Variants in IL1RAPL1 observed in about 807,000 individuals in gnomAD.
IL1RAPL1 encodes the protein interleukin-1 receptor accessory protein-like 1.
In IL1RAPL1, 3 loss-of-function variants were observed where a neutral mutation model predicts 48.4. The observed-to-expected ratio is 0.06, with a 90% CI of 0.03 to 0.16. IL1RAPL1 has a LOEUF of 0.16. Among genes scored for constraint, IL1RAPL1 ranks in the 10% least tolerant of loss-of-function variants. The pLI is 1.00. For synonymous variants in IL1RAPL1, 185 were observed against 187.7 expected, an observed-to-expected ratio of 0.99 and a Z score of 0.12; for missense variants, 349 against 530.6, an observed-to-expected ratio of 0.66 and a Z score of 3.36.
At chrX:29,177,324 C>T (rs1023102546) in intron 2 of IL1RAPL1, among the ~76,000 whole-genome samples, 1 of 111,688 alleles carries the variant, frequency 9.0e-6, no homozygotes. Flanking sequence ...ATTACATTCA[C>T]AATTATACTC....
intron 2 of IL1RAPL1, among the ~76,000 whole-genome samples, chrX:29,264,138 A>G (rs1316321912): frequency 9.0e-6 from 1 of 111,427 alleles, no homozygotes; most frequent in African/African-American, 3.3e-5. Context: ...TCCTTTGCTC[A>G]TGGTATATTA....
At chrX:29,402,965 A>T (rs1190790793) in intron 5 of IL1RAPL1, among the ~76,000 whole-genome samples, 4 of 111,513 alleles carry the variant, frequency 3.6e-5, no homozygotes, top group Non-Finnish European at 5.7e-5. Flanking sequence ...GTTGATGTTG[A>T]TCTTGATCAC....
chrX:29,110,657 G>A (rs1392710), intron 2 of IL1RAPL1, among the ~76,000 whole-genome samples: 234 of 112,012 alleles, frequency 2.1e-3, no homozygotes, highest in Non-Finnish European at 3.6e-3. Flanking sequence ...TTCAAAACGA[G>A]TTTTTCCGGG....
At chrX:29,923,936 G>A (rs958792400) in intron 8 of IL1RAPL1, among the ~76,000 whole-genome samples, 2 of 111,842 alleles carry the variant, frequency 1.8e-5, no homozygotes, top group Non-Finnish European at 3.8e-5. Flanking sequence ...ACCTCACAGT[G>A]TAGACATGTT....
intron 3 of IL1RAPL1, among the ~76,000 whole-genome samples, chrX:29,303,357 C>T (rs183930256): frequency 9.8e-5 from 11 of 111,808 alleles, no homozygotes; most frequent in Admixed American, 9.5e-4. Flanking sequence ...TGAATGATGA[C>T]TTTCCAGAGA....
At chrX:29,339,075 T>TACACACACACACACACACAC (rs758487838) in intron 3 of IL1RAPL1, among the ~76,000 whole-genome samples, 2 of 92,318 alleles carry the variant, frequency 2.2e-5, no homozygotes, top group African/African-American at 8.1e-5. Context: ...GCTGGGTAAA[T>TACACACACACACACACACAC]ACACACACAC....
chrX:29,845,854 G>A (rs757985661), intron 6 of IL1RAPL1, among the ~76,000 whole-genome samples: 7 of 111,005 alleles, frequency 6.3e-5, no homozygotes, highest in South Asian at 3.9e-4. Flanking sequence ...GTGAGCAGGC[G>A]CGTAACTTGG....
intron 2 of IL1RAPL1, among the ~76,000 whole-genome samples, chrX:29,091,919 G>A (rs1382115640): frequency 1.8e-5 from 2 of 111,096 alleles, no homozygotes; most frequent in Non-Finnish European, 3.8e-5. Context: ...ATTTTCCCCT[G>A]ATTTTCTTAA....
intron 8 of IL1RAPL1, among the ~76,000 whole-genome samples, chrX:29,937,942 C>T (rs55796818): frequency 0.22 from 24,497 of 110,817 alleles, 2,330 homozygotes; most frequent in African/African-American, 0.35. Context: ...GCTTATTGCT[C>T]ATTCTCTAAG....
At chrX:29,877,106 G>T (rs763552019) in intron 6 of IL1RAPL1, among the ~76,000 whole-genome samples, 9 of 111,684 alleles carry the variant, frequency 8.1e-5, no homozygotes, top group African/African-American at 2.9e-4. Flanking sequence ...GGTTGGTGTT[G>T]TCATATCCCA....
At chrX:28,782,769 C>T (rs1435120362) in intron 1 of IL1RAPL1, among the ~76,000 whole-genome samples, 2 of 111,420 alleles carry the variant, frequency 1.8e-5, no homozygotes, top group African/African-American at 6.5e-5. Context: ...TGGGTTTACT[C>T]GTAATTTTCT....
At position 29,936,683 on chromosome X, in the gene IL1RAPL1, A is replaced by G. The variant is rs1444491911; in HGVS notation, c.1058-4968A>G. ...TTCTAGCAGAAAATGTTTGCAAACA[A>G]TAACACCAGGTACAGGCCAAGAAAA... On this transcript the variant is annotated intron_variant, in intron 8 of 10. Transcript: ENST00000378993. Among the ~76,000 whole-genome samples the G allele has an allele frequency of 7.2e-5, 8 of 111,717 alleles. No homozygotes were observed. The East Asian group carries it at 1.4e-3, about 20-fold the overall frequency.
chrX:29,953,621 T>C (rs1169937336), intron 9 of IL1RAPL1, among the ~76,000 whole-genome samples: 1 of 111,923 alleles, frequency 8.9e-6, no homozygotes, highest in African/African-American at 3.2e-5. Flanking sequence ...ATGTGTAAGA[T>C]GAGTGGAGAC....
chrX:29,596,713 GC>G (rs1430748117), intron 5 of IL1RAPL1, among the ~76,000 whole-genome samples: 4 of 111,860 alleles, frequency 3.6e-5, no homozygotes, highest in Non-Finnish European at 5.6e-5. Flanking sequence ...TGATTGGGAT[GC>G]CCTTTATTTC....
chrX:29,012,956 C>T (rs2147396409), intron 2 of IL1RAPL1, among the ~76,000 whole-genome samples: 1 of 111,806 alleles, frequency 8.9e-6, no homozygotes, highest in Admixed American at 9.5e-5. Flanking sequence ...GGACCAAGAT[C>T]TTAAAGCATT....
intron 6 of IL1RAPL1, among the ~76,000 whole-genome samples, chrX:29,817,598 AG>A (rs1199329440): frequency 1.8e-5 from 2 of 112,006 alleles, no homozygotes; most frequent in Non-Finnish European, 3.8e-5. Context: ...AGTTACAATA[AG>A]CAAAGATAAC....
intron 6 of IL1RAPL1, among the ~76,000 whole-genome samples, chrX:29,799,234 G>A (rs969700911): frequency 8.9e-6 from 1 of 112,297 alleles, no homozygotes; most frequent in African/African-American, 3.2e-5. Flanking sequence ...TTTATAAAGT[G>A]TAAAAGCAGC....
chrX:29,503,486 A>G (rs1342612808), intron 5 of IL1RAPL1, among the ~76,000 whole-genome samples: 2 of 111,498 alleles, frequency 1.8e-5, no homozygotes, highest in African/African-American at 6.5e-5. Context: ...ATAGGCACTT[A>G]TTACTATGAA....
intron 1 of IL1RAPL1, among the ~76,000 whole-genome samples, chrX:28,728,070 TAATAA>T (rs941201498): frequency 4.9e-4 from 54 of 111,200 alleles, no homozygotes; most frequent in Non-Finnish European, 7.7e-4. Flanking sequence ...TAAAGTATAA[TAATAA>T]AATAAAATAA....
Sources: allele counts gnomAD v4.1 joint callset (sites outside exome capture counted in the v4.1 genomes callset), GRCh38; gene constraint gnomAD v4.1.1; transcripts MANE v1.5; gene names NCBI Gene and HGNC (gene_info 2026-07-23, HGNC 2026-07-21).